Variants in PTPRK observed in about 807,000 individuals in gnomAD.
PTPRK encodes the protein receptor-type tyrosine-protein phosphatase kappa.
A neutral mutation model predicts 178.0 loss-of-function variants in PTPRK; 75 were observed. That is an observed-to-expected ratio of 0.42 (90% CI 0.35 to 0.51). PTPRK has a LOEUF of 0.51. Ranked by LOEUF, PTPRK falls within the 20% of genes least tolerant of loss-of-function variation. The probability of loss-of-function intolerance (pLI) is 0.02; values close to 1 mark genes in which losing one functional copy is unlikely to be tolerated. For missense variants in PTPRK, 1,441 were observed against 1,797.8 expected, an observed-to-expected ratio of 0.80 and a Z score of 3.59; for synonymous variants, 637 against 620.6, an observed-to-expected ratio of 1.03 and a Z score of -0.39.
At chr6:128,048,130 G>A (rs1032617118) in intron 13 of PTPRK, among the ~76,000 whole-genome samples, 2 of 152,136 alleles carry the variant, frequency 1.3e-5, no homozygotes, top group Admixed American at 6.5e-5. Context: ...TTACATCTAC[G>A]ACGCTAAACC....
chr6:128,177,746 G>T (rs1191552986), intron 7 of PTPRK, among the ~76,000 whole-genome samples: 3 of 151,744 alleles, frequency 2.0e-5, no homozygotes, highest in Non-Finnish European at 2.9e-5. Context: ...CAACTTTCAT[G>T]ACTCTTATGC....
chr6:128,101,750 T>C (rs1353401629), intron 7 of PTPRK, among the ~76,000 whole-genome samples: 1 of 152,132 alleles, frequency 6.6e-6, no homozygotes, highest in Non-Finnish European at 1.5e-5. Context: ...ATTCTCCCAA[T>C]GCCCTATACT....
chr6:128,476,454 A>T (rs914953814), intron 1 of PTPRK, among the ~76,000 whole-genome samples: 7 of 152,074 alleles, frequency 4.6e-5, no homozygotes, highest in Non-Finnish European at 1.0e-4. Context: ...TATGTTCAGA[A>T]TGTGTTGTGT....
chr6:128,040,438 TC>T (rs1776979799), intron 13 of PTPRK, among the ~76,000 whole-genome samples: 2 of 151,638 alleles, frequency 1.3e-5, no homozygotes, highest in African/African-American at 4.9e-5. Flanking sequence ...AGCAAATAGA[TC>T]AAGAAAGCAG....
At chr6:128,376,094 T>A (rs1024381807) in intron 2 of PTPRK, among the ~76,000 whole-genome samples, 1 of 152,160 alleles carries the variant, frequency 6.6e-6, no homozygotes, top group African/African-American at 2.4e-5. Flanking sequence ...TATTCTGGTG[T>A]CTGAAGGACA....
intron 1 of PTPRK, among the ~76,000 whole-genome samples, chr6:128,506,659 CAAA>C (rs60473661): frequency 3.8e-5 from 2 of 53,086 alleles, no homozygotes; most frequent in Non-Finnish European, 3.9e-5. Flanking sequence ...AACTCTGTCT[CAAA>C]AAAAAAAAAA....
At chr6:128,471,770 T>G (rs897024837) in intron 1 of PTPRK, among the ~76,000 whole-genome samples, 1 of 151,888 alleles carries the variant, frequency 6.6e-6, no homozygotes, top group African/African-American at 2.4e-5. Context: ...GGAGTGTGCA[T>G]GAAGTTAACA....
intron 7 of PTPRK, among the ~76,000 whole-genome samples, chr6:128,182,683 A>C (rs1383836100): frequency 6.6e-6 from 1 of 152,192 alleles, no homozygotes; most frequent in Non-Finnish European, 1.5e-5. Flanking sequence ...TAAACAGTCC[A>C]AAGTCCACTC....
intron 13 of PTPRK, among the ~76,000 whole-genome samples, chr6:128,043,040 TG>T (rs1377347515): frequency 6.6e-6 from 1 of 152,038 alleles, no homozygotes; most frequent in Non-Finnish European, 1.5e-5. Context: ...TAGACTTTAC[TG>T]TTGATATTAT....
chr6:127,998,168 CCTT>C (rs1456516590), intron 16 of PTPRK, among the ~76,000 whole-genome samples: 1 of 152,024 alleles, frequency 6.6e-6, no homozygotes, highest in Non-Finnish European at 1.5e-5. Context: ...TTTCCCACTG[CCTT>C]CTTTTGGCTT....
chr6:128,296,204 G>C (rs563662796), intron 3 of PTPRK, among the ~76,000 whole-genome samples: 1 of 152,136 alleles, frequency 6.6e-6, no homozygotes, highest in South Asian at 2.1e-4. Flanking sequence ...GGACAGGCAT[G>C]CTTCCACCAC....
intron 7 of PTPRK, among the ~76,000 whole-genome samples, chr6:128,095,060 T>C (rs1279812290): frequency 2.0e-5 from 3 of 150,974 alleles, no homozygotes; most frequent in Admixed American, 1.3e-4. Flanking sequence ...CCAAAGAGAA[T>C]TGCATAAAAT....
intron 1 of PTPRK, among the ~76,000 whole-genome samples, chr6:128,398,226 C>T (rs997390231): frequency 6.6e-6 from 1 of 152,168 alleles, no homozygotes; most frequent in African/African-American, 2.4e-5. Context: ...TTGGTGTTCA[C>T]CTCATGTAAA....
At chr6:127,979,770 T>C (rs1211693810) in intron 25 of PTPRK, among the ~76,000 whole-genome samples, 4 of 152,366 alleles carry the variant, frequency 2.6e-5, no homozygotes, top group South Asian at 2.1e-4. Flanking sequence ...AAATGAACCG[T>C]GGCTTCTAAT....
intron 7 of PTPRK, among the ~76,000 whole-genome samples, chr6:128,119,202 A>T (rs1000597640): frequency 6.6e-6 from 1 of 151,744 alleles, no homozygotes; most frequent in Non-Finnish European, 1.5e-5. Context: ...ACCTAAAAAC[A>T]TAAGTTAAAA....
At chr6:128,102,860 G>A (rs1386484874) in intron 7 of PTPRK, among the ~76,000 whole-genome samples, 1 of 152,118 alleles carries the variant, frequency 6.6e-6, no homozygotes, top group Non-Finnish European at 1.5e-5. Flanking sequence ...TCAAAAACCT[G>A]AGAATCATCC....
intron 13 of PTPRK, among the ~76,000 whole-genome samples, chr6:128,050,714 T>C (rs1219736902): frequency 1.3e-5 from 2 of 152,212 alleles, no homozygotes; most frequent in East Asian, 3.8e-4. Flanking sequence ...ATTTTTAGTT[T>C]AAGTTTTTAT....
chr6:128,155,351 G>A (rs1797818655), intron 7 of PTPRK, among the ~76,000 whole-genome samples: 1 of 151,684 alleles, frequency 6.6e-6, no homozygotes, highest in Non-Finnish European at 1.5e-5. Context: ...GTTTTGCACA[G>A]TGGAAATATT....
At chr6:128,179,742 T>C (rs912035910) in intron 7 of PTPRK, among the ~76,000 whole-genome samples, 16 of 151,920 alleles carry the variant, frequency 1.1e-4, no homozygotes, top group African/African-American at 3.9e-4. Context: ...TCTTAAACCA[T>C]AGCAAAAATC....
Sources: allele counts gnomAD v4.1 joint callset (sites outside exome capture counted in the v4.1 genomes callset), GRCh38; gene constraint gnomAD v4.1.1; transcripts MANE v1.5; gene names NCBI Gene and HGNC (gene_info 2026-07-23, HGNC 2026-07-21).